TXLNB: variants seen among roughly 807,000 people sequenced by gnomAD.
The protein encoded by TXLNB is taxilin beta.
TXLNB carries 37 observed loss-of-function variants against 57.4 expected under a neutral mutation model. That is an observed-to-expected ratio of 0.64 (90% CI 0.50 to 0.85). The LOEUF is 0.85. TXLNB is among the 40% of genes least tolerant of loss of function. The probability of loss-of-function intolerance (pLI) is 0.00; values close to 1 mark genes in which losing one functional copy is unlikely to be tolerated. For missense variants in TXLNB, 848 were observed against 825.6 expected (o/e 1.03, Z -0.33); for synonymous variants, 302 against 309.6 (o/e 0.98, Z 0.26).
the TXLNB span, among the ~76,000 whole-genome samples, chr6:139,230,918 A>C: frequency 2.0e-5 from 3 of 152,198 alleles, no homozygotes; most frequent in Non-Finnish European, 4.4e-5. Flanking sequence ...TCCCAGCCCC[A>C]ACACATACAC....
intron 1 of TXLNB, among the ~76,000 whole-genome samples, chr6:139,290,232 T>C (rs1400758606): frequency 6.6e-6 from 1 of 152,012 alleles, no homozygotes; most frequent in African/African-American, 2.4e-5. Context: ...ATACAAAAAT[T>C]AGCCAGGTGT....
At chr6:139,184,417 G>A in the TXLNB span, among the ~76,000 whole-genome samples, 5 of 152,198 alleles carry the variant, frequency 3.3e-5, no homozygotes, top group Non-Finnish European at 5.9e-5. Context: ...GGAGTGATGA[G>A]CACATTGGAA....
the TXLNB span, among the ~76,000 whole-genome samples, chr6:139,323,281 A>T: frequency 1.3e-4 from 19 of 144,744 alleles, no homozygotes; most frequent in Middle Eastern, 3.5e-3. Context: ...GAATTTGTTT[A>T]GTTTTTTTTT....
At chr6:139,266,976 A>AC (rs1776630803) in intron 4 of TXLNB, among the ~76,000 whole-genome samples, 1 of 151,544 alleles carries the variant, frequency 6.6e-6, no homozygotes, top group African/African-American at 2.4e-5. Flanking sequence ...AAAAAAAAAA[A>AC]AAAAACCCAC....
the TXLNB span, chr6:139,201,583 C>G: frequency 6.6e-6 from 1 of 152,208 alleles, no homozygotes; most frequent in African/African-American, 2.4e-5. Flanking sequence ...CTGCCCAATT[C>G]ATGAATTGCA....
At chr6:139,167,379 A>C in the TXLNB span, 5 of 1,346,588 alleles carry the variant, frequency 3.7e-6, no homozygotes, top group East Asian at 2.3e-5. Context: ...CCAAACAACA[A>C]ACAAGACAGA....
At chr6:139,285,118 T>A (rs546989182) in intron 2 of TXLNB, among the ~76,000 whole-genome samples, 1 of 144,464 alleles carries the variant, frequency 6.9e-6, no homozygotes, top group African/African-American at 2.6e-5. Context: ...AATTAGGGAG[T>A]TGGAATTTTT....
At chr6:139,228,350 C>G in the TXLNB span, among the ~76,000 whole-genome samples, 1 of 151,982 alleles carries the variant, frequency 6.6e-6, no homozygotes, top group East Asian at 1.9e-4. Flanking sequence ...CATAGTGAAA[C>G]CCCATCTCTA....
At chr6:139,174,328 G>T in the TXLNB span, 3 of 1,540,812 alleles carry the variant, frequency 1.9e-6, no homozygotes, top group Non-Finnish European at 1.8e-6. Context: ...TATCTCCTTG[G>T]AGATGAAATG....
chr6:139,293,844 G>A (rs80112337), upstream of TXLNB, among the ~76,000 whole-genome samples: 3,308 of 152,202 alleles, frequency 0.022, 62 homozygotes, highest in Non-Finnish European at 0.036. Flanking sequence ...AATTAAAATT[G>A]ATGAAAGAGA....
At chr6:139,160,445 T>C in the TXLNB span, among the ~76,000 whole-genome samples, 98 of 152,342 alleles carry the variant, frequency 6.4e-4, no homozygotes, top group African/African-American at 2.2e-3. Context: ...ACTGCTGTTC[T>C]GTTTTTAGTT....
intron 4 of TXLNB, among the ~76,000 whole-genome samples, chr6:139,264,415 T>G (rs989699135): frequency 3.3e-5 from 5 of 152,148 alleles, no homozygotes; most frequent in African/African-American, 9.7e-5. Context: ...AGTTGTTGTT[T>G]TTTTTTTAAT....
the TXLNB span, among the ~76,000 whole-genome samples, chr6:139,223,702 C>T: frequency 2.6e-5 from 4 of 151,918 alleles, no homozygotes; most frequent in East Asian, 1.9e-4. Context: ...AAAATGCTCA[C>T]CATCACTGGC....
chr6:139,253,711 C>T (rs1430592148), intron 7 of TXLNB, among the ~76,000 whole-genome samples: 1 of 152,106 alleles, frequency 6.6e-6, no homozygotes, highest in Non-Finnish European at 1.5e-5. Flanking sequence ...TTGTATTGTA[C>T]AGGTCATTAA....
intron 8 of TXLNB, among the ~76,000 whole-genome samples, chr6:139,246,562 ATTAAT>A (rs1194540300): frequency 1.3e-5 from 2 of 152,170 alleles, no homozygotes; most frequent in Non-Finnish European, 2.9e-5. Flanking sequence ...TCCAAAATGT[ATTAAT>A]TTAACTTCAC....
intron 6 of TXLNB, among the ~76,000 whole-genome samples, chr6:139,257,919 T>G (rs1285690083): frequency 6.6e-6 from 1 of 152,152 alleles, no homozygotes; most frequent in Non-Finnish European, 1.5e-5. Flanking sequence ...GAAGATTGAT[T>G]CTCATAGAAG....
chr6:139,237,507 T>TAAAAAAAAAAA (rs58158274), downstream of TXLNB: 7 of 77,428 alleles, frequency 9.0e-5, no homozygotes, highest in East Asian at 3.3e-4. Flanking sequence ...AGACTCCATC[T>TAAAAAAAAAAA]AAAAAAAAAA....
At chr6:139,217,315 G>A in the TXLNB span, among the ~76,000 whole-genome samples, 3 of 152,206 alleles carry the variant, frequency 2.0e-5, no homozygotes, top group Non-Finnish European at 4.4e-5. Context: ...GAAGTCAGCA[G>A]CTGAAAGATT....
At chr6:139,291,109 T>C (rs2114650284) in intron 1 of TXLNB, among the ~76,000 whole-genome samples, 1 of 152,380 alleles carries the variant, frequency 6.6e-6, no homozygotes, top group South Asian at 2.1e-4. Flanking sequence ...TGCACTCATC[T>C]ATATATAACT....
Sources: gnomAD v4.1 joint callset for allele counts (sites outside exome capture counted in the v4.1 genomes callset) on GRCh38, gnomAD v4.1.1 for gene constraint, MANE v1.5 for transcripts, NCBI Gene and HGNC (gene_info 2026-07-23, HGNC 2026-07-21) for gene names.